ABCB1: variants seen among roughly 807,000 people sequenced by gnomAD.
ABCB1 encodes ATP binding cassette subfamily B member 1.
A neutral mutation model predicts 142.0 loss-of-function variants in ABCB1; 69 were observed. The observed-to-expected ratio is 0.49, with a 90% CI of 0.40 to 0.59. The LOEUF is 0.59. ABCB1 is among the 20% of genes least tolerant of loss of function. The pLI, the probability that ABCB1 is intolerant of heterozygous loss-of-function variation, is 0.00. For synonymous variants in ABCB1, 532 were observed against 539.2 expected, an observed-to-expected ratio of 0.99 and a Z score of 0.18; for missense variants, 1,326 against 1,554.7, an observed-to-expected ratio of 0.85 and a Z score of 2.47.
intron 16 of ABCB1, 152 bp from the exon 17 acceptor site, chr7:87,544,427 T>C: frequency 1.2e-6 from 1 of 846,844 alleles, no homozygotes. Context: ...AATGTCATAG[T>C]GATTATTATT....
intron 1 of ABCB1, among the ~76,000 whole-genome samples, chr7:87,638,780 G>A (rs556633357): frequency 7.0e-4 from 106 of 151,928 alleles, no homozygotes; most frequent in African/African-American, 2.3e-3. Flanking sequence ...AAGAACCAGC[G>A]TTTGACTTTG....
chr7:87,593,451 A>G (rs1029218535), intron 3 of ABCB1, among the ~76,000 whole-genome samples: 1 of 152,218 alleles, frequency 6.6e-6, no homozygotes, highest in Non-Finnish European at 1.5e-5. Flanking sequence ...AGTGGAAATA[A>G]ATTAACAGAC....
chr7:87,585,134 A>G (rs1479703321), intron 4 of ABCB1, among the ~76,000 whole-genome samples: 1 of 152,218 alleles, frequency 6.6e-6, no homozygotes, highest in Admixed American at 6.5e-5. Context: ...CTAGGGCTAA[A>G]AACTTTAGAA....
At position 87,569,986 on chromosome 7, in the gene ABCB1, A is replaced by C. The variant is rs28381838; in HGVS notation, c.338+186T>G. ...TGCATATATGTCCATTTTAAGCTTA[A>C]CTCTAACTTTTGTATACTTTATGCA... On this transcript the variant is annotated intron_variant, in intron 5 of 27. Transcript: ENST00000622132. Among the ~76,000 whole-genome samples the C allele has an allele frequency of 0.013, 2,020 of 152,178 alleles. 56 individuals carry two copies. Among genetic ancestry groups the C allele is most frequent in the African/African-American group, 0.045 (1,882 of 41,508 alleles).
intron 1 of ABCB1, among the ~76,000 whole-genome samples, chr7:87,664,343 A>G (rs1246599281): frequency 2.0e-5 from 3 of 152,104 alleles, no homozygotes; most frequent in African/African-American, 7.2e-5. Context: ...TCTCTAAAAA[A>G]ATAAAATATA....
At chr7:87,678,706 T>A (rs2130572914) in intron 1 of ABCB1, among the ~76,000 whole-genome samples, 1 of 152,114 alleles carries the variant, frequency 6.6e-6, no homozygotes. Context: ...TTAATTATAG[T>A]GATAAAGATA....
At chr7:87,626,124 TTG>T (rs1398884997) in intron 1 of ABCB1, among the ~76,000 whole-genome samples, 1 of 123,534 alleles carries the variant, frequency 8.1e-6, no homozygotes, top group Non-Finnish European at 1.7e-5. Flanking sequence ...GTCATATATA[TTG>T]TCATATATAT....
At chr7:87,559,614 A>T (rs1817465347) in intron 8 of ABCB1, among the ~76,000 whole-genome samples, 1 of 151,372 alleles carries the variant, frequency 6.6e-6, no homozygotes, top group Admixed American at 6.6e-5. Context: ...CTTGATTTAG[A>T]TGTTTAGTTC....
chr7:87,504,560 G>C, intron 27 of ABCB1, 111 bp from the exon 28 acceptor site: 2 of 1,452,534 alleles, frequency 1.4e-6, no homozygotes, highest in Non-Finnish European at 1.9e-6. Flanking sequence ...TGTAATCCCA[G>C]CACTTTGGGA....
intron 1 of ABCB1, among the ~76,000 whole-genome samples, chr7:87,711,426 C>G (rs1270230669): frequency 6.6e-6 from 1 of 151,702 alleles, no homozygotes; most frequent in East Asian, 1.9e-4. Flanking sequence ...CATTGTTTTT[C>G]TTGGATTGTA....
chr7:87,669,064 T>C (rs1563118582), intron 1 of ABCB1, among the ~76,000 whole-genome samples: 1 of 152,198 alleles, frequency 6.6e-6, no homozygotes, highest in Non-Finnish European at 1.5e-5. Flanking sequence ...TGTTTAATAC[T>C]GTCTGTGGAG....
intron 1 of ABCB1, among the ~76,000 whole-genome samples, chr7:87,699,225 T>C (rs1356649428): frequency 6.6e-6 from 1 of 151,998 alleles, no homozygotes; most frequent in African/African-American, 2.4e-5. Context: ...TAAATCATGA[T>C]GAAAAAAGCA....
chr7:87,614,097 C>A (rs56731648), intron 1 of ABCB1, among the ~76,000 whole-genome samples: 1 of 151,544 alleles, frequency 6.6e-6, no homozygotes, highest in Non-Finnish European at 1.5e-5. Context: ...CTACTATAAA[C>A]CAAAATAATT....
intron 19 of ABCB1, among the ~76,000 whole-genome samples, chr7:87,537,253 TGA>T (rs1816338692): frequency 6.6e-6 from 1 of 152,102 alleles, no homozygotes; most frequent in Non-Finnish European, 1.5e-5. Context: ...AGATGAGATT[TGA>T]GAGAGAGTGG....
chr7:87,557,173 T>C (rs1195723731), intron 8 of ABCB1, among the ~76,000 whole-genome samples: 7 of 152,248 alleles, frequency 4.6e-5, no homozygotes, highest in East Asian at 3.8e-4. Context: ...CGATTCCTTA[T>C]ATTTCTTCCT....
Position 87,666,626 on chromosome 7 carries a change from T to C in ABCB1, c.-331+46535A>G, listed in dbSNP as rs188712276. Among the ~76,000 whole-genome samples, 62 of 152,306 alleles carry C rather than the reference T, an allele frequency of 4.1e-4. No individual in the cohort carries two copies. The East Asian group carries it at 8.7e-3, about 21-fold the overall frequency. On this transcript the variant is annotated intron_variant, in intron 1 of 28. Coordinates refer to the ABCB1 transcript ENST00000265724. ...CCATGGCTTTAATAGTTTGAGGTTTTACATTTAGGTCTTTAATCCATCTTG... is the reference window on the plus strand; with the variant it reads ...CCATGGCTTTAATAGTTTGAGGTTTCACATTTAGGTCTTTAATCCATCTTG...
In ABCB1 at chr7:87,503,792, G is replaced by T. The variant is rs942741178; in HGVS notation, c.*451C>A. ...TATATTTAAAGAAAACTTTTTTAAA[G>T]CAGAAGTTATCTACAATATTCCAAT... On this transcript the variant is annotated 3_prime_UTR_variant, in exon 28 of 28. Coordinates refer to ENST00000622132, the MANE Select transcript of ABCB1 (RefSeq NM_001348946.2). 1.5e-5 allele frequency: 3 copies of T among 204,428 alleles called. No individual in the cohort carries two copies. The highest frequency in any genetic ancestry group is 2.0e-5 in the Non-Finnish European group (2 of 99,896). 12.7% of individuals were successfully genotyped at this position (204,428 alleles called of 1,614,324 possible).
At chr7:87,668,681 G>T (rs778765881) in intron 1 of ABCB1, among the ~76,000 whole-genome samples, 2 of 151,510 alleles carry the variant, frequency 1.3e-5, no homozygotes, top group East Asian at 3.9e-4. Context: ...TTGTATTTTT[G>T]TTCTCATTAT....
upstream of ABCB1, among the ~76,000 whole-genome samples, chr7:87,602,043 G>T (rs973090337): frequency 1.3e-5 from 2 of 152,014 alleles, no homozygotes; most frequent in Non-Finnish European, 2.9e-5. Context: ...GCCCAGGCTG[G>T]AGTGCAGTGG....
Sources: allele counts gnomAD v4.1 joint callset (sites outside exome capture counted in the v4.1 genomes callset), GRCh38; gene constraint gnomAD v4.1.1; transcripts MANE v1.5; gene names NCBI Gene and HGNC (gene_info 2026-07-23, HGNC 2026-07-21).